The following CAND2 variants were observed in gnomAD, a reference collection of about 807,000 sequenced individuals.
The protein encoded by CAND2 is cullin-associated NEDD8-dissociated protein 2.
Under a neutral mutation model 98.9 loss-of-function variants are expected in CAND2, and 62 were observed. The ratio of observed to expected loss-of-function variants is 0.63; its 90% CI spans 0.51 to 0.77. The LOEUF (loss-of-function observed/expected upper bound fraction) is 0.77. Ranked by LOEUF, CAND2 falls within the 30% of genes least tolerant of loss-of-function variation. CAND2 has a pLI of 0.00. For synonymous variants in CAND2, 770 were observed against 731.9 expected, an observed-to-expected ratio of 1.05 and a Z score of -0.84; for missense variants, 1,501 against 1,655.2, an observed-to-expected ratio of 0.91 and a Z score of 1.62.
At chr3:12,820,475 C>T (rs540744940) in intron 11 of CAND2, among the ~76,000 whole-genome samples, 1 of 152,326 alleles carries the variant, frequency 6.6e-6, no homozygotes, top group Non-Finnish European at 1.5e-5. Flanking sequence ...CTAGAGTTGT[C>T]CTGGAAGCCC....
chr3:12,823,912 A>T (rs2061979497), intron 11 of CAND2, among the ~76,000 whole-genome samples: 1 of 152,234 alleles, frequency 6.6e-6, no homozygotes, highest in African/African-American at 2.4e-5. Flanking sequence ...AAACAAAAAA[A>T]TGATAAATAC....
In CAND2 at chr3:12,817,895, G is replaced by C; in HGVS notation, c.2944+19G>C. On this transcript the variant is annotated intron_variant, in intron 10 of 14. Transcript: ENST00000456430. The stretch of plus-strand genomic sequence containing the variant: ...GCTGCAGGTAGGCACACAGGTGTGG[G>C]CAAGGCAGCCCACCTCGGAGGTGGG... The C allele has an allele frequency of 6.7e-7, 1 of 1,492,696 alleles. No individual in the cohort carries two copies. The highest frequency in any genetic ancestry group is 1.4e-5 in the South Asian group (1 of 71,030). 92.5% of individuals were successfully genotyped at this position (1,492,696 alleles called of 1,614,324 possible).
chr3:12,809,144 T>C (rs933479462), intron 4 of CAND2, among the ~76,000 whole-genome samples: 1 of 152,054 alleles, frequency 6.6e-6, no homozygotes, highest in Non-Finnish European at 1.5e-5. Context: ...GACTGGAGGC[T>C]GACCCCTAGG....
In CAND2 at chr3:12,827,434, C is replaced by T; in HGVS notation, c.3211-6C>T. On this transcript the variant is annotated splice_region_variant and splice_polypyrimidine_tract_variant and intron_variant, in intron 12 of 14. Transcript: ENST00000456430. ...GCCATATCACCAACCTTCATCCCTC[C>T]TGCAGGTGGAGATGGGGCCCTTTAA... 6.2e-7 allele frequency: 1 copy of T among 1,611,662 alleles called. No homozygotes were observed. The highest frequency in any genetic ancestry group is 8.5e-7 in the Non-Finnish European group (1 of 1,178,584).
intron 14 of CAND2, chr3:12,832,103 AAAG>A (rs2062058219): frequency 6.6e-6 from 1 of 152,372 alleles, no homozygotes; most frequent in Non-Finnish European, 1.5e-5. Flanking sequence ...CTGTTGAATG[AAAG>A]AATACATTTG....
At chr3:12,827,986 A>T (rs2124872168) in intron 13 of CAND2, among the ~76,000 whole-genome samples, 1 of 152,016 alleles carries the variant, frequency 6.6e-6, no homozygotes, top group African/African-American at 2.4e-5. Flanking sequence ...CTGTCTCAAA[A>T]AAAAAAAAAA....
At chr3:12,810,519 C>G (rs946357229) in intron 5 of CAND2, among the ~76,000 whole-genome samples, 195 bp downstream of exon 5, 11 of 152,298 alleles carry the variant, frequency 7.2e-5, no homozygotes, top group African/African-American at 2.4e-4. Flanking sequence ...GGCTGAAGCC[C>G]CTGAAACGCA....
At chr3:12,818,936 T>A (rs1358194234) in intron 10 of CAND2, among the ~76,000 whole-genome samples, 2 of 152,180 alleles carry the variant, frequency 1.3e-5, no homozygotes, top group African/African-American at 4.8e-5. Flanking sequence ...TAAACACCTA[T>A]TTGTTTCTAT....
chr3:12,801,069 G>A (rs371011575), intron 1 of CAND2, among the ~76,000 whole-genome samples: 3 of 103,616 alleles, frequency 2.9e-5, no homozygotes, highest in African/African-American at 1.1e-4. Context: ...ATGGATACTC[G>A]CACTGTTACC....
intron 5 of CAND2, among the ~76,000 whole-genome samples, chr3:12,812,390 A>ATT (rs35620069): frequency 0.015 from 999 of 66,670 alleles, 32 homozygotes; most frequent in African/African-American, 0.018. Flanking sequence ...TGCCCGGCTA[A>ATT]TTTTTTTTTT....
intron 13 of CAND2, among the ~76,000 whole-genome samples, chr3:12,829,227 C>T (rs2062030416): frequency 1.3e-5 from 2 of 152,210 alleles, no homozygotes; most frequent in African/African-American, 4.8e-5. Context: ...CTCACTGCAA[C>T]CTCCGCCTCC....
chr3:12,815,424 A>G lies in CAND2; in HGVS notation c.1290A>G (p.Leu430=). The G allele has an allele frequency of 6.2e-7, 1 of 1,609,044 alleles. No individual in the cohort carries two copies. The highest frequency in any genetic ancestry group is 8.5e-7 in the Non-Finnish European group (1 of 1,176,594). The change falls in exon 8 of 15, where the codon CTA becomes CTG. Residue 430 remains leucine (L), a synonymous_variant. Transcript: ENST00000456430. This position sits in a 1 kb window ranked among gnomAD's most constrained non-coding sequence, Gnocchi z 5.7. ...PTQTGSNLHM[L]RGQVPLVVKA... The stretch of plus-strand genomic sequence containing the variant: ...AGACCGGCAGCAACCTCCATATGCT[A>G]CGTGGACAGGTGGGCGTGCCTTCAC...
chr3:12,817,458 G>A lies in CAND2; in HGVS notation c.2526G>A (p.Leu842=). Residue 842 remains leucine, a synonymous_variant, in exon 10 of 15, where the codon CTG becomes CTA. Transcript: ENST00000456430. The part of the protein sequence containing the change: ...SPHSSTGVKV[L]AFLSLAEVGQ... ...ACTCCAGCACGGGGGTCAAGGTCCTGGCATTCTTGTCGCTGGCTGAGGTGG... is the reference window on the plus strand; with the variant it reads ...ACTCCAGCACGGGGGTCAAGGTCCTAGCATTCTTGTCGCTGGCTGAGGTGG... The A allele has an allele frequency of 1.2e-6, 2 of 1,613,684 alleles. No homozygotes were observed. The highest frequency in any genetic ancestry group is 1.7e-6 in the Non-Finnish European group (2 of 1,179,948).
chr3:12,815,546 A>C lies in CAND2; in HGVS notation c.1299+113A>C. 11 of 1,024,866 alleles carry C rather than the reference A, an allele frequency of 1.1e-5. No homozygotes were observed. Among genetic ancestry groups the C allele is most frequent in the African/African-American group, 1.6e-5 (1 of 61,538 alleles). 63.5% of individuals were successfully genotyped at this position (1,024,866 alleles called of 1,614,324 possible). Reference sequence around the variant, plus strand: ...GGAGAACATCCAGCCATGGAAGGGAAGGGAAGGGGTCCCTGGGGTGGGGGG... The same window carrying C: ...GGAGAACATCCAGCCATGGAAGGGACGGGAAGGGGTCCCTGGGGTGGGGGG... On this transcript the variant is annotated intron_variant, in intron 8 of 14. Coordinates refer to ENST00000456430, the MANE Select transcript of CAND2 (RefSeq NM_001162499.2). The surrounding 1 kb of genome is among the most constrained non-coding windows in gnomAD (Gnocchi z 5.7).
At chr3:12,818,787 T>C (rs893612663) in intron 10 of CAND2, among the ~76,000 whole-genome samples, 4 of 152,208 alleles carry the variant, frequency 2.6e-5, no homozygotes, top group Admixed American at 2.0e-4. Context: ...AGTTAAGGCC[T>C]TCTTGGGTTG....
At position 12,817,052 on chromosome 3, in the gene CAND2, AC is replaced by A; in HGVS notation, c.2121del (p.Asp707GlufsTer15). ...AELPALVNESDMHVAQLAVDF... is the reference protein window; with the variant it reads ...AELPALVNESXMHVAQLAVDF... ...CTGCCTGCCCTGGTCAACGAGAGCG[AC>A]ATGCATGTGGCCCAGCTGGCTGTGG... On this transcript the variant is annotated frameshift_variant, in exon 10 of 15. Coordinates refer to ENST00000456430, the MANE Select transcript of CAND2 (RefSeq NM_001162499.2). LOFTEE classifies it high-confidence loss of function. 1 of 1,612,930 alleles carries A rather than the reference AC, an allele frequency of 6.2e-7. No homozygotes were observed. Among genetic ancestry groups the A allele is most frequent in the Non-Finnish European group, 8.5e-7 (1 of 1,179,940 alleles).
At chr3:12,805,476 C>T (rs1459054101) in intron 2 of CAND2, among the ~76,000 whole-genome samples, 3 of 151,562 alleles carry the variant, frequency 2.0e-5, no homozygotes, top group East Asian at 1.9e-4. Context: ...TTAGTAGAGT[C>T]GGGGTTTTAC....
chr3:12,833,670 G>C (rs1335003564), intron 14 of CAND2, 85 bp from the exon 15 acceptor site: 2 of 1,059,392 alleles, frequency 1.9e-6, no homozygotes, highest in African/African-American at 1.6e-5. Context: ...TGATGGGGCA[G>C]AGAGGAAGCC....
At chr3:12,797,700 A>AT (rs1330682377) in intron 1 of CAND2, among the ~76,000 whole-genome samples, 1 of 152,006 alleles carries the variant, frequency 6.6e-6, no homozygotes, top group South Asian at 2.1e-4. Flanking sequence ...CTCAATGAAC[A>AT]TTTTTTCACT....
Sources: gnomAD v4.1 joint callset for allele counts (sites outside exome capture counted in the v4.1 genomes callset) on GRCh38, gnomAD v4.1.1 for gene constraint, Gnocchi (gnomAD v3.1) non-coding constraint, MANE v1.5 for transcripts, NCBI Gene and HGNC (gene_info 2026-07-23, HGNC 2026-07-21) for gene names.